Variants in RBFOX1 observed in about 807,000 individuals in gnomAD.
The protein encoded by RBFOX1 is RNA binding fox-1 homolog 1.
In RBFOX1, 8 loss-of-function variants were observed where a neutral mutation model predicts 57.7. The observed-to-expected ratio is 0.14, with a 90% CI of 0.08 to 0.25. The LOEUF (loss-of-function observed/expected upper bound fraction) is 0.25. Ranked by LOEUF, RBFOX1 falls within the 10% of genes least tolerant of loss-of-function variation. The pLI, the probability that RBFOX1 is intolerant of heterozygous loss-of-function variation, is 1.00. For synonymous variants in RBFOX1, 326 were observed against 222.4 expected, an observed-to-expected ratio of 1.47 and a Z score of -4.15; for missense variants, 611 against 548.5, an observed-to-expected ratio of 1.11 and a Z score of -1.14.
chr16:6,111,238 C>A (rs1295224888), intron 1 of RBFOX1, among the ~76,000 whole-genome samples: 1 of 152,184 alleles, frequency 6.6e-6, no homozygotes, highest in Non-Finnish European at 1.5e-5. Context: ...TCAGTCAGAA[C>A]AGAAATGCAA....
intron 2 of RBFOX1, among the ~76,000 whole-genome samples, chr16:6,485,517 T>C (rs2095458840): frequency 1.3e-5 from 2 of 151,334 alleles, no homozygotes; most frequent in South Asian, 2.1e-4. Context: ...TTTTGCACGC[T>C]GGAGGATCAC....
rs150323767 is a variant in RBFOX1 at position 6,189,426 on chromosome 16, C to G, written c.-126-127569C>G. On this transcript the variant is annotated intron_variant, in intron 1 of 15. Transcript: ENST00000550418. ...TCAGCTGTTAATGCAGAGTCGCTTG[C>G]TGCAACAGTGACAGAGAACTGTTGG... Among the ~76,000 whole-genome samples, 25 of 152,296 alleles carry G rather than the reference C, an allele frequency of 1.6e-4. No homozygotes were observed. In the East Asian group the frequency reaches 4.8e-3, roughly 29 times the overall value.
At chr16:6,211,228 C>T (rs67271403) in intron 1 of RBFOX1, among the ~76,000 whole-genome samples, 23,679 of 96,270 alleles carry the variant, frequency 0.25, 3,259 homozygotes, top group Middle Eastern at 0.35. Flanking sequence ...ATCTAGTTAA[C>T]TTTTTTTTTT....
intron 3 of RBFOX1, among the ~76,000 whole-genome samples, chr16:6,759,371 G>C (rs1324173671): frequency 6.6e-6 from 1 of 151,948 alleles, no homozygotes; most frequent in African/African-American, 2.4e-5. Context: ...GGCTGGTCTT[G>C]AACTCCTGAC....
chr16:7,293,093 G>T (rs1373882421), intron 4 of RBFOX1, among the ~76,000 whole-genome samples: 8 of 152,180 alleles, frequency 5.3e-5, no homozygotes, highest in Non-Finnish European at 1.0e-4. Context: ...TCAAGGATGT[G>T]ATAGATACCG....
intron 1 of RBFOX1, among the ~76,000 whole-genome samples, chr16:6,280,710 G>T (rs2076285460): frequency 6.6e-6 from 1 of 151,984 alleles, no homozygotes; most frequent in Non-Finnish European, 1.5e-5. Context: ...AGAGAATGAG[G>T]GTTGGAAACA....
chr16:5,499,729 C>G (rs573542472), intron 2 of RBFOX1, among the ~76,000 whole-genome samples: 2 of 151,970 alleles, frequency 1.3e-5, no homozygotes. Context: ...CCCACCACCA[C>G]GCCTGGCTAA....
chr16:6,271,167 C>T (rs1490672636), intron 1 of RBFOX1, among the ~76,000 whole-genome samples: 2 of 152,084 alleles, frequency 1.3e-5, no homozygotes, highest in East Asian at 3.9e-4. Context: ...CTCACACTTG[C>T]AATCCCAGCA....
At chr16:6,494,213 A>G (rs886261106) in intron 2 of RBFOX1, among the ~76,000 whole-genome samples, 3 of 152,150 alleles carry the variant, frequency 2.0e-5, no homozygotes. Flanking sequence ...CACTGACCTT[A>G]TTTGAATTTC....
chr16:7,622,088 G>A (rs76230365), intron 10 of RBFOX1, among the ~76,000 whole-genome samples: 3 of 152,182 alleles, frequency 2.0e-5, no homozygotes, highest in East Asian at 3.9e-4. Context: ...GTGGGGGCTC[G>A]GGGGAGGGGA....
intron 3 of RBFOX1, among the ~76,000 whole-genome samples, chr16:6,995,889 G>A (rs1451372187): frequency 6.6e-6 from 1 of 152,186 alleles, no homozygotes; most frequent in Non-Finnish European, 1.5e-5. Flanking sequence ...ATCCTCCTAT[G>A]TTTGAACCAT....
At chr16:7,391,503 T>C (rs1365433936) in intron 4 of RBFOX1, among the ~76,000 whole-genome samples, 4 of 152,242 alleles carry the variant, frequency 2.6e-5, no homozygotes, top group Non-Finnish European at 4.4e-5. Flanking sequence ...CCATGTGTGC[T>C]TTTGGACCAG....
At chr16:7,202,551 C>T (rs1039444765) in intron 4 of RBFOX1, among the ~76,000 whole-genome samples, 1 of 152,174 alleles carries the variant, frequency 6.6e-6, no homozygotes, top group African/African-American at 2.4e-5. Flanking sequence ...GGTGTATGGC[C>T]TGTTAGGAAT....
chr16:5,691,985 T>A (rs758694829), intron 3 of RBFOX1, among the ~76,000 whole-genome samples: 10 of 151,164 alleles, frequency 6.6e-5, no homozygotes, highest in Non-Finnish European at 1.5e-4. Context: ...ATTCTTCACC[T>A]CTGCTAAGAA....
chr16:5,312,681 GA>G (rs558732095), intron 1 of RBFOX1, among the ~76,000 whole-genome samples: 1 of 152,188 alleles, frequency 6.6e-6, no homozygotes, highest in Non-Finnish European at 1.5e-5. Context: ...GGACACCCAA[GA>G]GACAGACAAT....
intron 2 of RBFOX1, among the ~76,000 whole-genome samples, chr16:6,541,636 T>C (rs1194845745): frequency 6.6e-6 from 1 of 152,182 alleles, no homozygotes; most frequent in African/African-American, 2.4e-5. Context: ...AAAATCTCAG[T>C]GACACCTAGG....
chr16:7,709,626 C>T (rs1007869701), intron 15 of RBFOX1: 1 of 1,531,810 alleles, frequency 6.5e-7, no homozygotes. Flanking sequence ...TCATAGTCGC[C>T]CAGGAAAGAA....
intron 3 of RBFOX1, among the ~76,000 whole-genome samples, chr16:6,668,010 AG>A (rs1466327011): frequency 1.1e-4 from 16 of 152,216 alleles, no homozygotes; most frequent in Non-Finnish European, 2.4e-4. Flanking sequence ...GAGATCAGAG[AG>A]TATACATCTA....
rs1411516875 is a variant in RBFOX1, at chr16:5,761,727, T to A, written c.319-105576T>A. ...GGGAGCTATAATTCAAGATGACATT[T>A]GGGTGGGGACACAGCAAACTCTATC... On this transcript the variant is annotated intron_variant, in intron 3 of 19. Transcript: ENST00000641259. Among the ~76,000 whole-genome samples, 5 of 152,150 alleles carry A rather than the reference T, an allele frequency of 3.3e-5. No individual in the cohort carries two copies. In the East Asian group the frequency reaches 9.6e-4, roughly 29 times the overall value.
Sources: allele counts gnomAD v4.1 joint callset (sites outside exome capture counted in the v4.1 genomes callset), GRCh38; gene constraint gnomAD v4.1.1; transcripts MANE v1.5; gene names NCBI Gene and HGNC (gene_info 2026-07-23, HGNC 2026-07-21).